GPC5: variants seen among roughly 807,000 people sequenced by gnomAD.
GPC5 encodes the protein glypican 5.
A neutral mutation model predicts 53.9 loss-of-function variants in GPC5; 47 were observed. That is an observed-to-expected ratio of 0.87 (90% confidence interval 0.69 to 1.11). The LOEUF (loss-of-function observed/expected upper bound fraction) is 1.11. Ranked by LOEUF, GPC5 falls within the 50% of genes most tolerant of loss-of-function variation. The probability of loss-of-function intolerance (pLI) is 0.00; values close to 1 mark genes in which losing one functional copy is unlikely to be tolerated. For synonymous variants in GPC5, 286 were observed against 263.3 expected, an observed-to-expected ratio of 1.09 and a Z score of -0.84; for missense variants, 748 against 713.1, an observed-to-expected ratio of 1.05 and a Z score of -0.56.
chr13:92,633,550 T>A (rs1018941976), intron 7 of GPC5, among the ~76,000 whole-genome samples: 26 of 152,160 alleles, frequency 1.7e-4, no homozygotes, highest in African/African-American at 5.8e-4. Flanking sequence ...ATTTTCTAAT[T>A]GGCTACTCAT....
chr13:91,414,854 G>A (rs1290801515), intron 1 of GPC5, among the ~76,000 whole-genome samples: 1 of 152,156 alleles, frequency 6.6e-6, no homozygotes, highest in Admixed American at 6.5e-5. Flanking sequence ...GGGTTGGGGG[G>A]TGGAGGAGAA....
chr13:92,278,494 C>G (rs1033611657), intron 7 of GPC5, among the ~76,000 whole-genome samples: 2 of 151,988 alleles, frequency 1.3e-5, no homozygotes, highest in African/African-American at 4.8e-5. Flanking sequence ...TTTAAAAAGT[C>G]TAAAAGACAA....
At chr13:92,491,211 T>C (rs532961959) in intron 7 of GPC5, among the ~76,000 whole-genome samples, 41 of 152,226 alleles carry the variant, frequency 2.7e-4, no homozygotes, top group African/African-American at 8.9e-4. Context: ...GTCCTTGATA[T>C]GTGAAGTGCT....
At chr13:91,457,139 A>G (rs963666709) in intron 2 of GPC5, among the ~76,000 whole-genome samples, 1 of 152,058 alleles carries the variant, frequency 6.6e-6, no homozygotes, top group African/African-American at 2.4e-5. Context: ...ATTACTTGCC[A>G]GCTTTTTTGA....
At chr13:92,178,107 G>T (rs767021709) in intron 7 of GPC5, among the ~76,000 whole-genome samples, 1 of 152,082 alleles carries the variant, frequency 6.6e-6, no homozygotes, top group Admixed American at 6.5e-5. Context: ...AATTTATTCC[G>T]AAGGGATGCC....
At chr13:92,131,996 T>C (rs2041747878) in intron 6 of GPC5, among the ~76,000 whole-genome samples, 2 of 152,136 alleles carry the variant, frequency 1.3e-5, no homozygotes, top group African/African-American at 4.8e-5. Flanking sequence ...TTTATATCCA[T>C]ACACTCAAAA....
intron 7 of GPC5, among the ~76,000 whole-genome samples, chr13:92,520,504 T>A (rs558810706): frequency 5.3e-5 from 8 of 152,218 alleles, no homozygotes; most frequent in African/African-American, 1.9e-4. Flanking sequence ...TAATCCAGCA[T>A]ATAAACAGAA....
intron 7 of GPC5, among the ~76,000 whole-genome samples, chr13:92,541,573 C>CTT (rs71123410): frequency 2.0e-5 from 3 of 151,144 alleles, no homozygotes; most frequent in East Asian, 1.9e-4. Flanking sequence ...CTAGAAATAG[C>CTT]TTTTTTTTGC....
At chr13:92,066,838 T>C (rs2041171358) in intron 6 of GPC5, among the ~76,000 whole-genome samples, 1 of 152,102 alleles carries the variant, frequency 6.6e-6, no homozygotes, top group Non-Finnish European at 1.5e-5. Flanking sequence ...CAGATTTTTT[T>C]TCTTGAGGTG....
At chr13:91,904,140 C>CTT (rs57293387) in intron 5 of GPC5, among the ~76,000 whole-genome samples, 8,713 of 94,540 alleles carry the variant, frequency 0.092, 1,277 homozygotes, top group African/African-American at 0.31. Context: ...TCTTTTCTTT[C>CTT]TTTTTTTTTT....
At chr13:92,601,662 TAATA>T (rs773603769) in intron 7 of GPC5, among the ~76,000 whole-genome samples, 1 of 151,908 alleles carries the variant, frequency 6.6e-6, no homozygotes, top group African/African-American at 2.4e-5. Context: ...TGTGTGTGTT[TAATA>T]AATAATCATC....
intron 5 of GPC5, among the ~76,000 whole-genome samples, chr13:91,818,756 A>G (rs1217027919): frequency 1.3e-5 from 2 of 152,312 alleles, no homozygotes; most frequent in African/African-American, 2.4e-5. Context: ...GGAAAGTAAC[A>G]TGCAAAACCG....
chr13:92,084,542 C>T (rs1290869017), intron 6 of GPC5, among the ~76,000 whole-genome samples: 2 of 152,156 alleles, frequency 1.3e-5, no homozygotes, highest in East Asian at 3.9e-4. Flanking sequence ...AGGCTAAGAG[C>T]AGCCTGATGG....
intron 2 of GPC5, among the ~76,000 whole-genome samples, chr13:91,659,498 A>C (rs2034931122): frequency 6.6e-6 from 1 of 152,202 alleles, no homozygotes; most frequent in South Asian, 2.1e-4. Flanking sequence ...CCCTAAGCCA[A>C]AGACCAAAAT....
chr13:92,864,062 G>A (rs190737190), intron 7 of GPC5, among the ~76,000 whole-genome samples: 10 of 152,054 alleles, frequency 6.6e-5, no homozygotes, highest in Admixed American at 1.3e-4. Context: ...TATAAGCTTG[G>A]TTAATTAAAT....
intron 7 of GPC5, among the ~76,000 whole-genome samples, chr13:92,286,790 T>C (rs1268544975): frequency 6.6e-6 from 1 of 151,764 alleles, no homozygotes; most frequent in Non-Finnish European, 1.5e-5. Flanking sequence ...ATGTAAATGA[T>C]GAGTTAATGG....
chr13:92,424,184 G>A (rs986271749), intron 7 of GPC5, among the ~76,000 whole-genome samples: 3 of 151,914 alleles, frequency 2.0e-5, no homozygotes, highest in Non-Finnish European at 4.4e-5. Context: ...TAGGGTTATT[G>A]CTTCTCCAGA....
At chr13:92,626,780 T>C (rs975628093) in intron 7 of GPC5, among the ~76,000 whole-genome samples, 10 of 152,332 alleles carry the variant, frequency 6.6e-5, no homozygotes, top group African/African-American at 2.4e-4. Flanking sequence ...TCTCCTATAA[T>C]ATTTGACAAT....
intron 7 of GPC5, among the ~76,000 whole-genome samples, chr13:92,404,352 C>T (rs1162855570): frequency 1.3e-5 from 2 of 152,038 alleles, no homozygotes; most frequent in African/African-American, 2.4e-5. Flanking sequence ...AGAAACAGTG[C>T]CAAGCACAGA....
Sources: allele counts gnomAD v4.1 joint callset (sites outside exome capture counted in the v4.1 genomes callset), GRCh38; gene constraint gnomAD v4.1.1; transcripts MANE v1.5; gene names NCBI Gene and HGNC (gene_info 2026-07-23, HGNC 2026-07-21).